KCNT2: variants seen among roughly 807,000 people sequenced by gnomAD.
KCNT2 encodes the protein potassium sodium-activated channel subfamily T member 2, also known as potassium channel subfamily T member 2.
Under a neutral mutation model 153.8 loss-of-function variants are expected in KCNT2, and 67 were observed. The observed-to-expected ratio is 0.44, with a 90% CI of 0.36 to 0.53. The LOEUF is 0.53. Ranked by LOEUF, KCNT2 falls within the 20% of genes least tolerant of loss-of-function variation. KCNT2 has a pLI of 0.00. For missense variants in KCNT2, 975 were observed against 1,354.8 expected (o/e 0.72, Z 4.40); for synonymous variants, 500 against 458.8 (o/e 1.09, Z -1.15).
At chr1:196,561,565 T>G (rs1659386654) in intron 1 of KCNT2, among the ~76,000 whole-genome samples, 2 of 146,688 alleles carry the variant, frequency 1.4e-5, no homozygotes. Context: ...AGAAGTTTAT[T>G]TTGCCAAGGT....
chr1:196,503,040 C>T (rs1315092971), intron 1 of KCNT2, among the ~76,000 whole-genome samples: 3 of 151,596 alleles, frequency 2.0e-5, no homozygotes, highest in Non-Finnish European at 4.4e-5. Flanking sequence ...AAGAATAAAG[C>T]GTTTATTCAT....
chr1:196,279,816 T>C (rs989191197), intron 25 of KCNT2, among the ~76,000 whole-genome samples: 1 of 152,072 alleles, frequency 6.6e-6, no homozygotes, highest in Non-Finnish European at 1.5e-5. Flanking sequence ...TGGTAACTTA[T>C]ATAAGTGTCA....
At chr1:196,327,666 A>ATTTTTTTTT (rs1664006430) in intron 18 of KCNT2, among the ~76,000 whole-genome samples, 3 of 109,912 alleles carry the variant, frequency 2.7e-5, no homozygotes, top group Non-Finnish European at 3.6e-5. Flanking sequence ...GAATATTCTG[A>ATTTTTTTTT]TCTTTTTTTT....
intron 14 of KCNT2, among the ~76,000 whole-genome samples, chr1:196,349,478 T>A (rs893698550): frequency 1.3e-5 from 2 of 152,068 alleles, no homozygotes; most frequent in Non-Finnish European, 2.9e-5. Flanking sequence ...GGTAACCACA[T>A]GATGCCTATC....
chr1:196,560,845 C>A (rs1288375870), intron 1 of KCNT2, among the ~76,000 whole-genome samples: 1 of 151,984 alleles, frequency 6.6e-6, no homozygotes, highest in South Asian at 2.1e-4. Context: ...TATAAAGTCC[C>A]GTACCTAGTT....
intron 12 of KCNT2, among the ~76,000 whole-genome samples, chr1:196,400,692 A>G (rs1475062551): frequency 6.6e-6 from 1 of 151,842 alleles, no homozygotes; most frequent in African/African-American, 2.4e-5. Flanking sequence ...CAAGAAATGT[A>G]ACATTAATAA....
intron 13 of KCNT2, among the ~76,000 whole-genome samples, chr1:196,380,615 T>C (rs1386477336): frequency 6.6e-6 from 1 of 152,148 alleles, no homozygotes; most frequent in East Asian, 1.9e-4. Context: ...CTTTGGAAAA[T>C]GGCTTTTAAA....
chr1:196,352,134 A>T lies in KCNT2; in HGVS notation c.1404-9906T>A, dbSNP rs1359477892. ...GTATTTTATTGAGGATTTTTGCATC[A>T]ATGTTCATCAAGGATATTGGTCTAA... On this transcript the variant is annotated intron_variant, in intron 14 of 27. Coordinates refer to ENST00000294725, the MANE Select transcript of KCNT2 (RefSeq NM_198503.5). 1.3e-5 allele frequency among the ~76,000 whole-genome samples: 2 copies of T among 151,942 alleles called. 1 individual carries two copies. Among genetic ancestry groups the T allele is most frequent in the East Asian group, 3.9e-4 (2 of 5,176 alleles).
In KCNT2 at chr1:196,331,182, G is replaced by C. The variant is rs774906116; in HGVS notation, c.2077C>G (p.Pro693Ala). The C allele has an allele frequency of 1.5e-5, 24 of 1,605,420 alleles. 1 individual carries two copies. Among genetic ancestry groups the C allele is most frequent in the Non-Finnish European group, 2.6e-6 (3 of 1,172,692 alleles). Residue 693 changes from proline (P) to alanine (A), a missense_variant, in exon 18 of 28, where the codon CCA becomes GCA. Physicochemically the swap from Pro to Ala is conservative, Grantham distance 27. This residue lies in a region of KCNT2 where 325 missense variants were observed against 388.1 expected (regional missense o/e 0.84). Coordinates refer to ENST00000294725, the MANE Select transcript of KCNT2 (RefSeq NM_198503.5). Reference protein sequence around the residue: ...TFCHLLHEKVPFCCLRLDKSC... With the variant: ...TFCHLLHEKVAFCCLRLDKSC... Reference sequence around the variant, plus strand: ...TTGTCTAATCTTAAGCAGCAAAATGGTACTTTTTCATGAAGGAGATGACAA... The same window carrying C: ...TTGTCTAATCTTAAGCAGCAAAATGCTACTTTTTCATGAAGGAGATGACAA...
chr1:196,557,588 A>G (rs1208091058), intron 1 of KCNT2, among the ~76,000 whole-genome samples: 1 of 151,234 alleles, frequency 6.6e-6, no homozygotes, highest in Non-Finnish European at 1.5e-5. Context: ...TGGTGGGCTG[A>G]CAATAGAATA....
At chr1:196,287,753 A>G (rs780036854) in intron 22 of KCNT2, among the ~76,000 whole-genome samples, 6 of 152,070 alleles carry the variant, frequency 3.9e-5, no homozygotes, top group Non-Finnish European at 8.8e-5. Flanking sequence ...AATCATCCTC[A>G]GTGCTAGGAA....
At chr1:196,569,176 T>G (rs1358121388) in intron 1 of KCNT2, among the ~76,000 whole-genome samples, 3 of 152,204 alleles carry the variant, frequency 2.0e-5, no homozygotes, top group Admixed American at 2.0e-4. Context: ...TTGATTTTTA[T>G]GTTGTTATAT....
At chr1:196,284,152 A>G (rs1423079161) in intron 23 of KCNT2, among the ~76,000 whole-genome samples, 1 of 143,774 alleles carries the variant, frequency 7.0e-6, no homozygotes, top group East Asian at 2.1e-4. Context: ...AATTGCATGA[A>G]CCTGGGAGCT....
At chr1:196,313,044 G>C (rs991791614) in intron 21 of KCNT2, among the ~76,000 whole-genome samples, 4 of 151,654 alleles carry the variant, frequency 2.6e-5, no homozygotes, top group Non-Finnish European at 5.9e-5. Flanking sequence ...GTTGAGATCA[G>C]TGTCAGTGTG....
chr1:196,337,878 T>C (rs1246157550), intron 16 of KCNT2, among the ~76,000 whole-genome samples: 1 of 152,154 alleles, frequency 6.6e-6, no homozygotes, highest in African/African-American at 2.4e-5. Flanking sequence ...ATATGTACTT[T>C]GGTTATCGCC....
chr1:196,476,623 G>A (rs80002626), intron 5 of KCNT2, among the ~76,000 whole-genome samples: 2,416 of 152,046 alleles, frequency 0.016, 53 homozygotes, highest in South Asian at 0.071. Context: ...ATTGATCCAC[G>A]ACTTTCCACC....
At chr1:196,486,104 T>C (rs2148716349) in intron 3 of KCNT2, among the ~76,000 whole-genome samples, 1 of 152,084 alleles carries the variant, frequency 6.6e-6, no homozygotes. Context: ...GTCATTAAAA[T>C]ATTACTTTAG....
In KCNT2 at chr1:196,592,728, C is replaced by CAT. The variant is rs956858001; in HGVS notation, c.95+15485_95+15486dup. Among the ~76,000 whole-genome samples, 88 of 145,870 alleles carry CAT rather than the reference C, an allele frequency of 6.0e-4. 1 individual carries two copies. The East Asian group carries it at 0.014, about 24-fold the overall frequency. ...ATACACATATATAAATATATATATA[C>CAT]ATATATATATATAGTCAGAAAGAAT... On this transcript the variant is annotated intron_variant, in intron 1 of 27. Coordinates refer to ENST00000294725, the MANE Select transcript of KCNT2 (RefSeq NM_198503.5).
chr1:196,321,320 G>A (rs982034219), intron 19 of KCNT2, among the ~76,000 whole-genome samples: 9 of 151,792 alleles, frequency 5.9e-5, no homozygotes, highest in African/African-American at 9.7e-5. Context: ...GGGCTGTTGC[G>A]GTGATCTGAA....
Sources: gnomAD v4.1 joint callset for allele counts (sites outside exome capture counted in the v4.1 genomes callset) on GRCh38, gnomAD v4.1.1 for gene constraint, gnomAD v4.1.1 regional missense constraint, MANE v1.5 for transcripts, NCBI Gene and HGNC (gene_info 2026-07-23, HGNC 2026-07-21) for gene names.